Variants in TBC1D16 observed in about 807,000 individuals in gnomAD.
TBC1D16 encodes the protein CTD-2529O21.1.
TBC1D16 carries 58 observed loss-of-function variants against 74.7 expected under a neutral mutation model. The ratio of observed to expected loss-of-function variants is 0.78; its 90% CI spans 0.63 to 0.97. The LOEUF (loss-of-function observed/expected upper bound fraction) is 0.97, where lower values mean the gene tolerates loss of function less well. Ranked by LOEUF, TBC1D16 falls within the 50% of genes least tolerant of loss-of-function variation. The probability of loss-of-function intolerance (pLI) is 0.00; values close to 1 mark genes in which losing one functional copy is unlikely to be tolerated. For missense variants in TBC1D16, 1,014 were observed against 1,079.5 expected (o/e 0.94, Z 0.85); for synonymous variants, 493 against 474.7 (o/e 1.04, Z -0.50).
At chr17:80,025,572 G>GGGAGCAGCCGCCTGCTA (rs1443469641) in intron 1 of TBC1D16, among the ~76,000 whole-genome samples, 5 of 149,112 alleles carry the variant, frequency 3.4e-5, no homozygotes, top group South Asian at 4.3e-4. Context: ...CCCGCCTGCT[G>GGGAGCAGCCGCCTGCTA]GGAGCAGCCG....
chr17:80,018,178 C>CT (rs1310999726), intron 1 of TBC1D16, among the ~76,000 whole-genome samples: 1 of 86,128 alleles, frequency 1.2e-5, no homozygotes, highest in Non-Finnish European at 2.4e-5. Context: ...TTCTGGTAAG[C>CT]AAAAAAAAAA....
At chr17:79,943,178 GACCATGC>G (rs2032182535) in intron 10 of TBC1D16, among the ~76,000 whole-genome samples, 1 of 152,244 alleles carries the variant, frequency 6.6e-6, no homozygotes, top group African/African-American at 2.4e-5. Flanking sequence ...CTCCTGGAGA[GACCATGC>G]ACCAGGCTGC....
intron 1 of TBC1D16, among the ~76,000 whole-genome samples, chr17:80,026,809 G>A (rs1451612457): frequency 1.3e-5 from 2 of 149,722 alleles, no homozygotes; most frequent in Non-Finnish European, 2.9e-5. Flanking sequence ...AAAACCATTC[G>A]TCCTGGGAGG....
intron 1 of TBC1D16, among the ~76,000 whole-genome samples, chr17:80,016,363 C>T (rs1485844129): frequency 1.3e-5 from 2 of 152,028 alleles, no homozygotes; most frequent in South Asian, 2.1e-4. Context: ...ACAACATGAT[C>T]GTACTCAATG....
intron 3 of TBC1D16, among the ~76,000 whole-genome samples, chr17:80,004,514 T>C (rs539088620): frequency 2.0e-3 from 312 of 152,264 alleles, no homozygotes; most frequent in South Asian, 9.1e-3. Flanking sequence ...ATCTCAGGGG[T>C]TCGTGAGCCC....
intron 4 of TBC1D16, 39 bp downstream of exon 4, chr17:79,952,618 C>A: frequency 6.4e-7 from 1 of 1,553,330 alleles, no homozygotes; most frequent in Non-Finnish European, 8.7e-7. Flanking sequence ...AAAACACACA[C>A]AGGCCAACTC....
intron 10 of TBC1D16, 95 bp from the exon 11 acceptor site, chr17:79,942,301 C>A: frequency 1.5e-6 from 2 of 1,354,662 alleles, no homozygotes; most frequent in Non-Finnish European, 1.0e-6. Context: ...AGTGAGGGCT[C>A]CAGGGCGAGG....
In TBC1D16 at chr17:80,001,542, C is replaced by T. The variant is rs1247071230; in HGVS notation, c.779+8618G>A. On this transcript the variant is annotated intron_variant, in intron 3 of 11. Transcript: ENST00000310924. The surrounding 1 kb of genome is among the most constrained non-coding windows in gnomAD (Gnocchi z 5.8). ...ATCCTCAGGGGGCGGCGGGCGCTCT[C>T]GGGGTATCCCCGGGCGCCCTGGTTG... Among the ~76,000 whole-genome samples the T allele has an allele frequency of 2.6e-5, 4 of 152,080 alleles. No homozygotes were observed. The highest frequency in any genetic ancestry group is 7.2e-5 in the African/African-American group (3 of 41,416).
At chr17:79,991,669 G>A (rs1170732487) in intron 3 of TBC1D16, among the ~76,000 whole-genome samples, 3 of 147,898 alleles carry the variant, frequency 2.0e-5, no homozygotes, top group Non-Finnish European at 4.5e-5. Context: ...AGGCGCGCAG[G>A]CAGTGCTGCC....
intron 10 of TBC1D16, among the ~76,000 whole-genome samples, chr17:79,943,617 C>T (rs1163657183): frequency 6.8e-6 from 1 of 147,120 alleles, no homozygotes; most frequent in Non-Finnish European, 1.5e-5. Context: ...TGGGACCGAC[C>T]GTGGCTAAAT....
At chr17:80,034,080 G>C (rs573262802) in intron 1 of TBC1D16, among the ~76,000 whole-genome samples, 72 of 152,262 alleles carry the variant, frequency 4.7e-4, no homozygotes, top group African/African-American at 1.6e-3. Context: ...CTGCAGTCCT[G>C]ACTTCATGAG....
At chr17:79,948,300 G>A (rs1454854720) in intron 8 of TBC1D16, among the ~76,000 whole-genome samples, 1 of 130,864 alleles carries the variant, frequency 7.6e-6, no homozygotes, top group African/African-American at 3.0e-5. Context: ...ATGACAGAGC[G>A]AGACTCCGTC....
At chr17:80,027,213 A>T (rs1032346115) in intron 1 of TBC1D16, among the ~76,000 whole-genome samples, 16 of 152,226 alleles carry the variant, frequency 1.1e-4, no homozygotes, top group Admixed American at 1.3e-4. Context: ...TGCAATCCTA[A>T]CAGTTTCGGG....
chr17:79,950,654 G>A lies in TBC1D16; in HGVS notation c.1090-76C>T, dbSNP rs999716329. The A allele has an allele frequency of 1.0e-5, 16 of 1,564,530 alleles. No individual in the cohort carries two copies. The highest frequency in any genetic ancestry group is 3.9e-5 in the Admixed American group (2 of 51,616). On this transcript the variant is annotated intron_variant, in intron 5 of 11. Coordinates refer to ENST00000310924, the MANE Select transcript of TBC1D16 (RefSeq NM_019020.4). The surrounding 1 kb of genome is among the most constrained non-coding windows in gnomAD (Gnocchi z 4.6). Reference sequence around the variant, plus strand: ...CAGAGGCCAGCAGTGCTTTTCCCAGGAATAAAAGCCTCTCTCTCTTCTGAA... The same window carrying A: ...CAGAGGCCAGCAGTGCTTTTCCCAGAAATAAAAGCCTCTCTCTCTTCTGAA...
Position 80,008,561 on chromosome 17 carries a change from C to T in TBC1D16, c.779+1599G>A, listed in dbSNP as rs909635751. On this transcript the variant is annotated intron_variant, in intron 3 of 11. Coordinates refer to ENST00000310924, the MANE Select transcript of TBC1D16 (RefSeq NM_019020.4). The surrounding 1 kb of genome is among the most constrained non-coding windows in gnomAD (Gnocchi z 4.5). ...GGGGACGCCTGCAGGTTCTGCTGCACTGTTGGCCTGGCACCACCAGGGGGA... is the reference window on the plus strand; with the variant it reads ...GGGGACGCCTGCAGGTTCTGCTGCATTGTTGGCCTGGCACCACCAGGGGGA... Among the ~76,000 whole-genome samples, 1 of 152,294 alleles carries T rather than the reference C, an allele frequency of 6.6e-6. No homozygotes were observed. The highest frequency in any genetic ancestry group is 2.1e-4 in the South Asian group (1 of 4,832).
At chr17:80,028,099 G>C (rs555046402) in intron 1 of TBC1D16, among the ~76,000 whole-genome samples, 3 of 151,862 alleles carry the variant, frequency 2.0e-5, no homozygotes, top group Non-Finnish European at 2.9e-5. Context: ...TGCCATCTTC[G>C]TTAAGGTTCC....
intron 3 of TBC1D16, among the ~76,000 whole-genome samples, chr17:79,974,847 G>A (rs1214609056): frequency 6.6e-6 from 1 of 152,172 alleles, no homozygotes; most frequent in Non-Finnish European, 1.5e-5. Flanking sequence ...TTATGATGCT[G>A]AGGAGTTTGT....
intron 3 of TBC1D16, among the ~76,000 whole-genome samples, chr17:79,970,096 C>T (rs1036169288): frequency 7.2e-5 from 11 of 152,160 alleles, no homozygotes; most frequent in Non-Finnish European, 1.0e-4. Context: ...GAATACTGTT[C>T]AGCTATAAAT....
chr17:79,952,025 C>CCAGGGAAACTCAGTAAACATCCGTCAGTG (rs2033082727), intron 4 of TBC1D16: 2 of 158,418 alleles, frequency 1.3e-5, no homozygotes, highest in Non-Finnish European at 2.8e-5. Context: ...GGAGAACCCT[C>CCAGGGAAACTCAGTAAACATCCGTCAGTG]CAGGGAAACT....
Sources: gnomAD v4.1 joint callset for allele counts (sites outside exome capture counted in the v4.1 genomes callset) on GRCh38, gnomAD v4.1.1 for gene constraint, Gnocchi (gnomAD v3.1) non-coding constraint, MANE v1.5 for transcripts, NCBI Gene and HGNC (gene_info 2026-07-23, HGNC 2026-07-21) for gene names.